The following MTERF4 variants were observed in gnomAD, a reference collection of about 807,000 sequenced individuals.
MTERF4 encodes transcription termination factor 4, mitochondrial.
A neutral mutation model predicts 22.5 loss-of-function variants in MTERF4; 17 were observed. That is an observed-to-expected ratio of 0.75 (90% CI 0.52 to 1.13). The LOEUF (loss-of-function observed/expected upper bound fraction) is 1.13. MTERF4 is among the 50% of genes most tolerant of loss of function. MTERF4 has a pLI of 0.00. For missense variants in MTERF4, 420 were observed against 466.8 expected, an observed-to-expected ratio of 0.90 and a Z score of 0.92; for synonymous variants, 165 against 175.3, an observed-to-expected ratio of 0.94 and a Z score of 0.47.
Position 241,096,746 on chromosome 2 carries a change from A to G in MTERF4, c.706-308T>C, listed in dbSNP as rs543437526. ...TGGGGAAGGAAAAGGATGAATATGG[A>G]AAGAATAGGCAAAACATTCAGAAAA... On this transcript the variant is annotated intron_variant, in intron 3 of 3. Transcript: ENST00000391980. The surrounding 1 kb of genome is among the most constrained non-coding windows in gnomAD (Gnocchi z 5.1). The G allele has an allele frequency of 3.4e-6, 2 of 587,346 alleles. No individual in the cohort carries two copies. Among genetic ancestry groups the G allele is most frequent in the Admixed American group, 2.6e-5 (1 of 38,954 alleles). The allele number at this position is 587,346 out of a possible 1,614,324, so 36.4% of individuals were successfully genotyped here.
intron 1 of MTERF4, 97 bp downstream of exon 1, chr2:241,102,156 C>G: frequency 6.6e-7 from 1 of 1,523,174 alleles, no homozygotes; most frequent in Non-Finnish European, 8.9e-7. Flanking sequence ...GAGGGCTCCA[C>G]GACCTGGCCG....
At chr2:241,056,068 AAAG>A in the MTERF4 span, among the ~76,000 whole-genome samples, 4 of 148,730 alleles carry the variant, frequency 2.7e-5, no homozygotes, top group African/African-American at 1.0e-4. Context: ...CACATAATCT[AAAG>A]AAGAAACAAT....
Position 241,079,527 on chromosome 2 carries a change from CTAA to C in MTERF4, n.480-3848_480-3846del, listed in dbSNP as rs111290530. On this transcript the variant is annotated intron_variant and non_coding_transcript_variant, in intron 4 of 4. Coordinates refer to the MTERF4 transcript ENST00000464344. Reference sequence around the variant, plus strand: ...TCCTCATTTTAATAAAGAAATGAAACTAATAAGATGGTTCACTAAATGAGGAGG... The same window carrying C: ...TCCTCATTTTAATAAAGAAATGAAACTAAGATGGTTCACTAAATGAGGAGG... Among the ~76,000 whole-genome samples the C allele has an allele frequency of 5.9e-3, 900 of 151,300 alleles. 7 individuals are homozygous for C. The highest frequency in any genetic ancestry group is 0.015 in the African/African-American group (622 of 41,216).
the MTERF4 span, among the ~76,000 whole-genome samples, chr2:241,053,782 C>T: frequency 6.6e-6 from 1 of 152,184 alleles, no homozygotes; most frequent in Admixed American, 6.5e-5. Flanking sequence ...ACTGAGGTCC[C>T]ACCCCTGTCT....
downstream of MTERF4, chr2:241,095,069 C>CG (rs536155955): frequency 1.4e-5 from 2 of 143,698 alleles, no homozygotes; most frequent in South Asian, 5.1e-4. Flanking sequence ...CGCCCCCCCC[C>CG]CCCCCCACAC....
At chr2:241,069,103 C>T, downstream of MTERF4, 1 of 945,948 alleles carries the variant, frequency 1.1e-6, no homozygotes, top group Admixed American at 2.5e-5. The surrounding 1 kb of genome is among the most constrained non-coding windows in gnomAD (Gnocchi z 4.9). Context: ...TCCCCTAGTC[C>T]TCTCCAAAGC....
downstream of MTERF4, among the ~76,000 whole-genome samples, chr2:241,089,824 C>T (rs1205816444): frequency 6.6e-6 from 1 of 152,288 alleles, no homozygotes; most frequent in Admixed American, 6.5e-5. Flanking sequence ...GCGTACTGCG[C>T]ACCTAGGCTG....
chr2:241,082,085 A>AC (rs902069348), intron 4 of MTERF4, among the ~76,000 whole-genome samples: 1 of 151,754 alleles, frequency 6.6e-6, no homozygotes, highest in African/African-American at 2.4e-5. Context: ...GGGACTCTCC[A>AC]CCCCCACAAT....
downstream of MTERF4, among the ~76,000 whole-genome samples, chr2:241,083,787 T>C (rs1048237057): frequency 2.0e-5 from 3 of 152,180 alleles, no homozygotes; most frequent in African/African-American, 7.2e-5. Flanking sequence ...GTATTTAACA[T>C]AGAGGTGGGT....
chr2:241,082,450 C>T (rs527609639), downstream of MTERF4: 33 of 988,906 alleles, frequency 3.3e-5, no homozygotes, highest in African/African-American at 3.4e-4. Flanking sequence ...ACCCAGCTAA[C>T]CCTGAGGAGG....
intron 4 of MTERF4, among the ~76,000 whole-genome samples, chr2:241,078,156 G>T (rs191617877): frequency 3.3e-5 from 5 of 150,906 alleles, no homozygotes; most frequent in Admixed American, 1.3e-4. Context: ...AGGCCGAGGC[G>T]GGCAGATCAC....
At chr2:241,079,752 CATTGCAAGCG>C (rs2063239352) in intron 4 of MTERF4, among the ~76,000 whole-genome samples, 1 of 152,090 alleles carries the variant, frequency 6.6e-6, no homozygotes, top group Non-Finnish European at 1.5e-5. Flanking sequence ...AAAAAAATAT[CATTGCAAGCG>C]ATTTTAATAA....
the MTERF4 span, among the ~76,000 whole-genome samples, chr2:241,050,398 G>A: frequency 6.6e-6 from 1 of 152,198 alleles, no homozygotes; most frequent in African/African-American, 2.4e-5. Flanking sequence ...GCAGTTTGAA[G>A]CAACAGTCAG....
downstream of MTERF4, among the ~76,000 whole-genome samples, chr2:241,085,535 C>G (rs1260245744): frequency 2.0e-5 from 3 of 152,138 alleles, no homozygotes; most frequent in Admixed American, 2.0e-4. Flanking sequence ...TTAAGGTCCT[C>G]ATCTGCTATT....
chr2:241,090,399 C>T (rs1178191158), downstream of MTERF4: 1 of 1,549,626 alleles, frequency 6.5e-7, no homozygotes, highest in East Asian at 2.4e-5. Context: ...GAAGGACCTG[C>T]CTGAGGCCAT....
chr2:241,096,128 A>G lies in MTERF4; in HGVS notation c.1016T>C (p.Leu339Pro). 6.2e-7 allele frequency: 1 copy of G among 1,613,900 alleles called. No individual in the cohort carries two copies. Among genetic ancestry groups the G allele is most frequent in the Non-Finnish European group, 8.5e-7 (1 of 1,179,982 alleles). Residue 339 changes from leucine to proline, a missense_variant, in exon 4 of 4, where the codon CTG becomes CCG. Transcript: ENST00000391980. This position sits in a 1 kb window ranked among gnomAD's most constrained non-coding sequence, Gnocchi z 5.1. Reference protein sequence around the residue: ...SSTSDDKRASLDEDEDDDDEE... With the variant: ...SSTSDDKRASPDEDEDDDDEE... ...ATCATCGTCATCCTCATCCTCATCCAGACTTGCCCTTTTGTCATCAGATGT... is the reference window on the plus strand; with the variant it reads ...ATCATCGTCATCCTCATCCTCATCCGGACTTGCCCTTTTGTCATCAGATGT...
chr2:241,058,799 A>T, the MTERF4 span, among the ~76,000 whole-genome samples: 1 of 152,096 alleles, frequency 6.6e-6, no homozygotes, highest in Non-Finnish European at 1.5e-5. Flanking sequence ...AAATACAAAA[A>T]ATTAGCTGGG....
At chr2:241,057,396 T>C in the MTERF4 span, among the ~76,000 whole-genome samples, 1 of 142,204 alleles carries the variant, frequency 7.0e-6, no homozygotes, top group Non-Finnish European at 1.5e-5. Flanking sequence ...TATATATATA[T>C]ATATATATAT....
At chr2:241,058,495 T>C in the MTERF4 span, among the ~76,000 whole-genome samples, 13,464 of 152,188 alleles carry the variant, frequency 0.088, 1,094 homozygotes, top group African/African-American at 0.21. Context: ...AAGCCAAAAT[T>C]AGTTCTTTGA....
Sources: gnomAD v4.1 joint callset for allele counts (sites outside exome capture counted in the v4.1 genomes callset) on GRCh38, gnomAD v4.1.1 for gene constraint, Gnocchi (gnomAD v3.1) non-coding constraint, MANE v1.5 for transcripts, NCBI Gene and HGNC (gene_info 2026-07-23, HGNC 2026-07-21) for gene names.